Variants in CDCP2 observed in about 807,000 individuals in gnomAD.
CDCP2 encodes the protein CUB domain-containing protein 2.
CDCP2 carries 31 observed loss-of-function variants against 31.0 expected under a neutral mutation model. That is an observed-to-expected ratio of 1.00 (90% CI 0.75 to 1.35). The LOEUF is 1.35. Ranked by LOEUF, CDCP2 falls within the 40% of genes most tolerant of loss-of-function variation. The probability of loss-of-function intolerance (pLI) is 0.00; values close to 1 mark genes in which losing one functional copy is unlikely to be tolerated. For missense variants in CDCP2, 443 were observed against 482.6 expected, an observed-to-expected ratio of 0.92 and a Z score of 0.77; for synonymous variants, 206 against 207.9, an observed-to-expected ratio of 0.99 and a Z score of 0.08.
intron 1 of CDCP2, among the ~76,000 whole-genome samples, chr1:54,151,920 G>A (rs1659590178): frequency 6.6e-6 from 1 of 152,026 alleles, no homozygotes; most frequent in Non-Finnish European, 1.5e-5. Flanking sequence ...GTTCTCAGGT[G>A]GAAAAAGGGA....
chr1:54,140,232 A>T, intron 3 of CDCP2, 126 bp from the exon 4 acceptor site: 1 of 776,392 alleles, frequency 1.3e-6, no homozygotes, highest in East Asian at 2.7e-5. Context: ...TGTGGGCACC[A>T]TGGCTAGCAC....
intron 1 of CDCP2, among the ~76,000 whole-genome samples, chr1:54,151,600 C>T (rs939169942): frequency 4.6e-5 from 7 of 152,190 alleles, no homozygotes; most frequent in African/African-American, 1.7e-4. Flanking sequence ...GCTACCTCCT[C>T]CCACCACCCA....
intron 1 of CDCP2, among the ~76,000 whole-genome samples, chr1:54,151,866 C>T (rs676164): frequency 0.99 from 151,452 of 152,240 alleles, 75,338 homozygotes; most frequent in East Asian, 1. Context: ...GGAAGGCCGA[C>T]GGAGGGAGTG....
intron 1 of CDCP2, among the ~76,000 whole-genome samples, chr1:54,150,591 C>T (rs1289801266): frequency 6.8e-6 from 1 of 147,176 alleles, no homozygotes; most frequent in Non-Finnish European, 1.5e-5. Context: ...AGTGAGACTC[C>T]ATTTAAAAAA....
At chr1:54,148,212 C>G (rs1219615342) in intron 1 of CDCP2, among the ~76,000 whole-genome samples, 1 of 149,964 alleles carries the variant, frequency 6.7e-6, no homozygotes, top group Non-Finnish European at 1.5e-5. Flanking sequence ...TTTTACTGGT[C>G]AAATAAGCCA....
At chr1:54,147,834 C>A (rs1659502022) in intron 1 of CDCP2, among the ~76,000 whole-genome samples, 1 of 151,294 alleles carries the variant, frequency 6.6e-6, no homozygotes, top group South Asian at 2.1e-4. Flanking sequence ...CATAGTAAGA[C>A]CCCCATCTCT....
chr1:54,148,407 G>GAA (rs5774176), intron 1 of CDCP2, among the ~76,000 whole-genome samples: 17 of 142,946 alleles, frequency 1.2e-4, no homozygotes, highest in Admixed American at 2.1e-4. Flanking sequence ...ATTTGACAGT[G>GAA]AAAAAAAAAA....
intron 1 of CDCP2, among the ~76,000 whole-genome samples, chr1:54,147,869 G>A (rs1054215793): frequency 6.6e-6 from 1 of 151,210 alleles, no homozygotes; most frequent in African/African-American, 2.5e-5. Flanking sequence ...AAAATTAGCC[G>A]GGCATGGTGG....
exon 3 of CDCP2, chr1:54,141,278 T>G: frequency 6.2e-7 from 1 of 1,614,206 alleles, no homozygotes; most frequent in Non-Finnish European, 8.5e-7. Context: ...CACTCTTCAT[T>G]GCCCTCCACC....
exon 4 of CDCP2, chr1:54,140,046 C>T: frequency 1.2e-6 from 2 of 1,613,800 alleles, no homozygotes; most frequent in East Asian, 2.2e-5. Context: ...GGGGTAGGAG[C>T]TGGGGTACTG....
intron 5 of CDCP2, among the ~76,000 whole-genome samples, chr1:54,134,842 TCTCATGC>T (rs1659234372): frequency 6.6e-6 from 1 of 152,152 alleles, no homozygotes; most frequent in Admixed American, 6.5e-5. Flanking sequence ...TTCAAGCGAT[TCTCATGC>T]CTCAGCCTCC....
chr1:54,148,377 A>G (rs1659511977), intron 1 of CDCP2, among the ~76,000 whole-genome samples: 1 of 148,430 alleles, frequency 6.7e-6, no homozygotes, highest in South Asian at 2.1e-4. Flanking sequence ...AAAGAAAAAA[A>G]AAATTCACTT....
chr1:54,144,499 C>G (rs762584819), exon 2 of CDCP2: 2 of 1,594,598 alleles, frequency 1.3e-6, no homozygotes, highest in African/African-American at 2.7e-5. Flanking sequence ...CCATGGCTGG[C>G]CACATGCTTG....
In CDCP2 at chr1:54,133,788, C is replaced by T. The variant is rs650863; in HGVS notation, c.1297-494G>A. ...GTGTGCGCCTGTAGTCCCAGCTACT[C>T]GGGAGGCTGAGGCACGAGAATGGCA... is the stretch of plus-strand genomic sequence containing the variant. On this transcript the variant is annotated intron_variant, in intron 5 of 5. Transcript: ENST00000530059. Among the ~76,000 whole-genome samples the T allele has an allele frequency of 7.6e-3, 1,158 of 151,916 alleles. 15 individuals are homozygous for T. Among genetic ancestry groups the T allele is most frequent in the African/African-American group, 0.027 (1,099 of 41,418 alleles).
At position 54,139,741 on chromosome 1, in the gene CDCP2, A is replaced by C. The variant is rs1418274890; in HGVS notation, c.1117+12T>G. The C allele has an allele frequency of 6.2e-7, 1 of 1,614,244 alleles. No individual in the cohort carries two copies. The highest frequency in any genetic ancestry group is 8.5e-7 in the Non-Finnish European group (1 of 1,180,036). On this transcript the variant is annotated intron_variant, in intron 4 of 5. Coordinates refer to ENST00000530059, the Ensembl canonical transcript of CDCP2. ...TCGCCCTCAGTGGACCCACTCCCAC[A>C]GCCCAGCTGACCTCCGATGTAGGCC...
chr1:54,135,122 G>A (rs942807228), intron 5 of CDCP2, among the ~76,000 whole-genome samples: 5 of 151,624 alleles, frequency 3.3e-5, no homozygotes, highest in Non-Finnish European at 7.4e-5. Flanking sequence ...AGAGTGGAAG[G>A]GGACCCAGTG....
chr1:54,141,251 C>G (rs748013385), exon 3 of CDCP2: 1 of 1,614,192 alleles, frequency 6.2e-7, no homozygotes, highest in East Asian at 2.2e-5. Context: ...CCAAGCACAG[C>G]CACGTAGTCA....
intron 3 of CDCP2, chr1:54,140,557 A>G (rs1279519402): frequency 4.2e-5 from 10 of 236,338 alleles, no homozygotes; most frequent in Non-Finnish European, 8.3e-5. Context: ...TCCTGCTTGG[A>G]ATGCCCTTCC....
chr1:54,151,832 G>A (rs193094835), intron 1 of CDCP2, among the ~76,000 whole-genome samples: 25 of 152,322 alleles, frequency 1.6e-4, no homozygotes, highest in Admixed American at 9.2e-4. Context: ...CAGTGAAGGC[G>A]CATGTGAGGT....
Sources: gnomAD v4.1 joint callset for allele counts (sites outside exome capture counted in the v4.1 genomes callset) on GRCh38, gnomAD v4.1.1 for gene constraint, MANE v1.5 for transcripts, NCBI Gene and HGNC (gene_info 2026-07-23, HGNC 2026-07-21) for gene names.